Variants in ADGRF1 observed in about 807,000 individuals in gnomAD.
ADGRF1 encodes the protein adhesion G protein-coupled receptor F1.
Under a neutral mutation model 87.2 loss-of-function variants are expected in ADGRF1, and 85 were observed. That is an observed-to-expected ratio of 0.97 (90% CI 0.82 to 1.17). The LOEUF is 1.17. ADGRF1 is among the 50% of genes most tolerant of loss of function. The probability of loss-of-function intolerance (pLI) is 0.00; values close to 1 mark genes in which losing one functional copy is unlikely to be tolerated. For missense variants in ADGRF1, 1,169 were observed against 1,077.2 expected (o/e 1.09, Z -1.19); for synonymous variants, 430 against 408.8 (o/e 1.05, Z -0.63).
At position 47,012,107 on chromosome 6, in the gene ADGRF1, G is replaced by A. The variant is rs2113883700; in HGVS notation, c.1016C>T (p.Ser339Leu). The A allele has an allele frequency of 6.2e-7, 1 of 1,614,124 alleles. No homozygotes were observed. Residue 339 changes from serine (S) to leucine (L), a missense_variant, in exon 10 of 15, where the codon TCA (serine) becomes TTA (leucine). Ser to Leu is a moderately radical substitution (Grantham distance 145, BLOSUM62 -2). Coordinates refer to ENST00000371253, the MANE Select transcript of ADGRF1 (RefSeq NM_153840.4). ...NLSVIIRQNP[S>L]TTVGNLASVV... ...CGAAGCCAGATTCCCCACTGTGGTT[G>A]ATGGGTTTTGCCGAATGATGACAGA...
At chr6:47,038,853 T>G (rs1461154999) in intron 1 of ADGRF1, among the ~76,000 whole-genome samples, 4 of 152,206 alleles carry the variant, frequency 2.6e-5, no homozygotes, top group Non-Finnish European at 4.4e-5. Flanking sequence ...AATATATCAT[T>G]AAGTGTCTTA....
In ADGRF1 at chr6:47,009,178, C is replaced by T; in HGVS notation, c.2257G>A (p.Ala753Thr). 1 of 1,614,154 alleles carries T rather than the reference C, an allele frequency of 6.2e-7. No homozygotes were observed. Residue 753 changes from alanine to threonine, a missense_variant, in exon 11 of 15, where the codon GCT (alanine) becomes ACT (threonine). By Grantham distance (58) the Ala-to-Thr change is moderately conservative. Transcript: ENST00000371253. ...ACAACGAAGTTCACAGCCACAATAG[C>T]CAGTGCAGGGACAACAAAAGCCAGG... is the stretch of plus-strand genomic sequence containing the variant. ...PLLAFVVPALAIVAVNFVVVL... is the reference protein window; with the variant it reads ...PLLAFVVPALTIVAVNFVVVL...
In ADGRF1 at chr6:47,009,771, G is replaced by C. The variant is rs1449681440; in HGVS notation, c.1664C>G (p.Thr555Ser). Residue 555 changes from threonine (T) to serine (S), a missense_variant, in exon 11 of 15, where the codon ACT becomes AGT. Transcript: ENST00000371253. ...NDAGCHLVNE[T>S]QDIVTCQCTH... ...ACATTGGCACGTCACGATGTCTTGA[G>C]TTTCATTCACTAGGTGGCAGCCTGC... 6.2e-7 allele frequency: 1 copy of C among 1,614,030 alleles called. No individual in the cohort carries two copies. The highest frequency in any genetic ancestry group is 8.5e-7 in the Non-Finnish European group (1 of 1,180,016).
At chr6:47,005,265 T>C (rs1779488867) in intron 13 of ADGRF1, among the ~76,000 whole-genome samples, 1 of 152,158 alleles carries the variant, frequency 6.6e-6, no homozygotes, top group South Asian at 2.1e-4. Flanking sequence ...AAATCCTCCA[T>C]TTCCTTAAAA....
At position 47,014,721 on chromosome 6, in the gene ADGRF1, C is replaced by A; in HGVS notation, c.887G>T (p.Arg296Met). 1 of 1,613,848 alleles carries A rather than the reference C, an allele frequency of 6.2e-7. No homozygotes were observed. The highest frequency in any genetic ancestry group is 1.1e-5 in the South Asian group (1 of 91,068). ...AAGCAGAGAGAGCACACAAGTCTCC[C>A]TGATGACCTGCCACCCAGAGGACTC... ...KCESSGWQVIRETCVLSLLEE... is the reference protein window; with the variant it reads ...KCESSGWQVIMETCVLSLLEE... The change falls in exon 9 of 15, where the codon AGG (arginine) becomes ATG (methionine). Residue 296 changes from arginine to methionine, a missense_variant. Coordinates refer to ENST00000371253, the MANE Select transcript of ADGRF1 (RefSeq NM_153840.4).
At chr6:47,005,551 A>G (rs1779500653) in intron 13 of ADGRF1, among the ~76,000 whole-genome samples, 1 of 152,180 alleles carries the variant, frequency 6.6e-6, no homozygotes, top group South Asian at 2.1e-4. Flanking sequence ...GTTCAAAAGT[A>G]TTCACTCACA....
At chr6:47,024,668 G>T (rs1188545660) in intron 4 of ADGRF1, among the ~76,000 whole-genome samples, 1 of 152,168 alleles carries the variant, frequency 6.6e-6, no homozygotes, top group Non-Finnish European at 1.5e-5. Flanking sequence ...CCAAGGATTT[G>T]GTTGGTGCAA....
At position 47,022,037 on chromosome 6, in the gene ADGRF1, A is replaced by C. The variant is rs1561874972; in HGVS notation, c.473T>G (p.Ile158Ser). 2 of 1,574,202 alleles carry C rather than the reference A, an allele frequency of 1.3e-6. No individual in the cohort carries two copies. The change falls in exon 6 of 15, where the codon ATT (isoleucine) becomes AGT (serine). Residue 158 changes from isoleucine to serine, a missense_variant. By Grantham distance (142) the Ile-to-Ser change is moderately radical (BLOSUM62 -2). Coordinates refer to ENST00000371253, the MANE Select transcript of ADGRF1 (RefSeq NM_153840.4). ...ERTKIWGTFK[I>S]NERFTNDLLN... ...AAGGTCATTTGTAAACCTTTCATTA[A>C]TTTTGAAAGTGCCCCAAATCTCTGT...
chr6:47,011,859 T>C, intron 10 of ADGRF1, 148 bp downstream of exon 10: 1 of 682,348 alleles, frequency 1.5e-6, no homozygotes, highest in Non-Finnish European at 2.4e-6. Context: ...GAGTTCCTTG[T>C]ATACCTCAGA....
At position 47,024,236 on chromosome 6, in the gene ADGRF1, T is replaced by G. The variant is rs978628766; in HGVS notation, c.278-19A>C. 23 of 1,596,694 alleles carry G rather than the reference T, an allele frequency of 1.4e-5. No homozygotes were observed. Among genetic ancestry groups the G allele is most frequent in the Non-Finnish European group, 2.0e-5 (23 of 1,166,658 alleles). ...TTGCAGTCTGCACAAGAAATAGAAC[T>G]CAGTCTCATGGATTCTGGTTTATAA... On this transcript the variant is annotated intron_variant, in intron 4 of 14. Coordinates refer to ENST00000371253, the MANE Select transcript of ADGRF1 (RefSeq NM_153840.4).
At position 47,009,550 on chromosome 6, in the gene ADGRF1, T is replaced by C; in HGVS notation, c.1885A>G (p.Asn629Asp). ...GCAATCAAGAGGGACAGGGCTATGT[T>C]CACCATGCAAATACGACGTGTGTGA... Reference protein sequence around the residue: ...TSHTRRICMVNIALSLLIADV... With the variant: ...TSHTRRICMVDIALSLLIADV... The change falls in exon 11 of 15, where the codon AAC (asparagine) becomes GAC (aspartate). Residue 629 changes from asparagine (N) to aspartate (D), a missense_variant. By Grantham distance (23) the Asn-to-Asp change is conservative. Transcript: ENST00000371253. 1 of 1,614,100 alleles carries C rather than the reference T, an allele frequency of 6.2e-7. No homozygotes were observed.
intron 9 of ADGRF1, chr6:47,012,983 A>T (rs1779754761): frequency 1.3e-6 from 1 of 760,856 alleles, no homozygotes; most frequent in Non-Finnish European, 1.6e-6. Context: ...CATGTTGGCC[A>T]GGCTGGTCTT....
At chr6:47,015,574 C>CTATT (rs374537407) in intron 8 of ADGRF1, among the ~76,000 whole-genome samples, 1,592 of 149,268 alleles carry the variant, frequency 0.011, 10 homozygotes, top group Middle Eastern at 0.041. Context: ...CGATGCCTGG[C>CTATT]TATTTATTTA....
At chr6:47,026,636 A>G (rs1780244102) in intron 3 of ADGRF1, among the ~76,000 whole-genome samples, 1 of 152,022 alleles carries the variant, frequency 6.6e-6, no homozygotes, top group Non-Finnish European at 1.5e-5. Context: ...AAAGGAGAGG[A>G]ATCCTATGAG....
chr6:47,016,561 A>T, intron 8 of ADGRF1, 56 bp downstream of exon 8: 2 of 1,414,232 alleles, frequency 1.4e-6, no homozygotes, highest in Admixed American at 2.4e-5. Flanking sequence ...GACACAAATG[A>T]ACTACTAATT....
In ADGRF1 at chr6:47,024,135, C is replaced by T. The variant is rs775252571; in HGVS notation, c.360G>A (p.Gln120=). 2 of 1,614,090 alleles carry T rather than the reference C, an allele frequency of 1.2e-6. No homozygotes were observed. Among genetic ancestry groups the T allele is most frequent in the East Asian group, 2.2e-5 (1 of 44,880 alleles). Residue 120 remains glutamine, a synonymous_variant, in exon 5 of 15, where the codon CAG becomes CAA. Transcript: ENST00000371253. ...CTCCAGCCGTGTGAAGGTAGCAGTT[C>T]TGGGGATCAAGGCATGAGGGAGGAA... is the stretch of plus-strand genomic sequence containing the variant. ...TWFPPSCLDP[Q]NCYLHTAGAL...
At chr6:47,007,031 A>C (rs1182157184) in intron 12 of ADGRF1, among the ~76,000 whole-genome samples, 1 of 152,020 alleles carries the variant, frequency 6.6e-6, no homozygotes, top group Admixed American at 6.5e-5. Flanking sequence ...TTTTCCGACA[A>C]CGTTTACATT....
chr6:47,020,932 T>G lies in ADGRF1; in HGVS notation c.553-143A>C, dbSNP rs1582167306. ...AGAGACACAGTGGGAAGTAATTGCA[T>G]GTCATACAAATACAGTTAAAATAAC... On this transcript the variant is annotated intron_variant, in intron 6 of 14. Coordinates refer to ENST00000371253, the MANE Select transcript of ADGRF1 (RefSeq NM_153840.4). 8 of 666,640 alleles carry G rather than the reference T, an allele frequency of 1.2e-5. No homozygotes were observed. The East Asian group carries it at 2.2e-4, about 18-fold the overall frequency. The allele number at this position is 666,640 out of a possible 1,614,324, so 41.3% of individuals were successfully genotyped here.
rs988375693 is a variant in ADGRF1 at position 47,039,163 on chromosome 6, A to G, written c.-44+3028T>C. ...AGAAAAGAATAAGAAAATTTTCTTA[A>G]GGACTTTAAAGTCTTTAGATTTGTG... On this transcript the variant is annotated intron_variant, in intron 1 of 14. Transcript: ENST00000371253. 2.0e-5 allele frequency among the ~76,000 whole-genome samples: 3 copies of G among 152,342 alleles called. No individual in the cohort carries two copies. The East Asian group carries it at 5.8e-4, about 29-fold the overall frequency.
Sources: allele counts gnomAD v4.1 joint callset (sites outside exome capture counted in the v4.1 genomes callset), GRCh38; gene constraint gnomAD v4.1.1; transcripts MANE v1.5; gene names NCBI Gene and HGNC (gene_info 2026-07-23, HGNC 2026-07-21).